EPHA6: variants seen among roughly 807,000 people sequenced by gnomAD.
The protein encoded by EPHA6 is EPH receptor A6.
In EPHA6, 50 loss-of-function variants were observed where a neutral mutation model predicts 112.0. The ratio of observed to expected loss-of-function variants is 0.45; its 90% CI spans 0.36 to 0.56. The LOEUF is 0.56. EPHA6 is among the 20% of genes least tolerant of loss of function. The probability of loss-of-function intolerance (pLI) is 0.00; values close to 1 mark genes in which losing one functional copy is unlikely to be tolerated. For missense variants in EPHA6, 1,280 were observed against 1,417.4 expected (o/e 0.90, Z 1.56); for synonymous variants, 529 against 490.7 (o/e 1.08, Z -1.03).
rs1274090274 is a variant in EPHA6 at position 96,855,109 on chromosome 3, A to G, written c.386-11716A>G. The stretch of plus-strand genomic sequence containing the variant: ...TTCCTCTCTCTTCAGAGCCAGCAAT[A>G]TTGCATTTCTGCCTTTCTTCTGGAG... On this transcript the variant is annotated intron_variant, in intron 1 of 17. Coordinates refer to ENST00000389672, the MANE Select transcript of EPHA6 (RefSeq NM_001080448.3). Among the ~76,000 whole-genome samples, 4 of 151,986 alleles carry G rather than the reference A, an allele frequency of 2.6e-5. No individual in the cohort carries two copies. In the East Asian group the frequency reaches 7.7e-4, roughly 29 times the overall value.
chr3:97,492,579 A>C (rs1192602718), intron 10 of EPHA6, among the ~76,000 whole-genome samples: 3 of 129,560 alleles, frequency 2.3e-5, no homozygotes, highest in South Asian at 2.3e-4. Context: ...AAAAAAAAAA[A>C]AAAAAAAAAA....
chr3:97,193,545 T>G (rs2077363021), intron 3 of EPHA6, among the ~76,000 whole-genome samples: 1 of 152,102 alleles, frequency 6.6e-6, no homozygotes, highest in African/African-American at 2.4e-5. Context: ...TGGTGAGTCC[T>G]TAAGTTTTTC....
At chr3:97,214,355 A>C (rs2077971126) in intron 3 of EPHA6, among the ~76,000 whole-genome samples, 1 of 152,028 alleles carries the variant, frequency 6.6e-6, no homozygotes, top group Non-Finnish European at 1.5e-5. Context: ...TATTCTTTAC[A>C]GTAGCCATCC....
intron 3 of EPHA6, among the ~76,000 whole-genome samples, chr3:97,201,393 C>T (rs2077573774): frequency 6.6e-6 from 1 of 152,000 alleles, no homozygotes; most frequent in Non-Finnish European, 1.5e-5. Flanking sequence ...TAGTTACAGT[C>T]AATATAGGAA....
intron 11 of EPHA6, among the ~76,000 whole-genome samples, chr3:97,547,625 ACTG>A (rs1383422389): frequency 6.6e-6 from 1 of 152,208 alleles, no homozygotes; most frequent in Non-Finnish European, 1.5e-5. Flanking sequence ...TGCAGAGGTT[ACTG>A]CTGTCTTTTT....
chr3:97,459,572 T>C (rs1251325449), intron 7 of EPHA6, among the ~76,000 whole-genome samples: 1 of 152,224 alleles, frequency 6.6e-6, no homozygotes, highest in Non-Finnish European at 1.5e-5. Flanking sequence ...TTTATTTTTC[T>C]TCCAGCTGTA....
chr3:97,265,044 A>C (rs1280366561), intron 5 of EPHA6, among the ~76,000 whole-genome samples: 3 of 152,142 alleles, frequency 2.0e-5, no homozygotes, highest in African/African-American at 7.2e-5. Flanking sequence ...TTGTTAAGCT[A>C]TCAGCAGAGA....
intron 11 of EPHA6, among the ~76,000 whole-genome samples, chr3:97,564,312 C>T (rs1177999206): frequency 6.6e-6 from 1 of 152,070 alleles, no homozygotes; most frequent in Non-Finnish European, 1.5e-5. Context: ...GGCTGGTAGA[C>T]CTTTTCATTG....
chr3:97,759,931 C>G lies in EPHA6; in HGVS notation c.*11230C>G. 1 of 196,498 alleles carries G rather than the reference C, an allele frequency of 5.1e-6. No individual in the cohort carries two copies. The highest frequency in any genetic ancestry group is 1.1e-5 in the Non-Finnish European group (1 of 94,476). 12.2% of individuals were successfully genotyped at this position (196,498 alleles called of 1,614,324 possible). ...CCAAGGACTCTGGTAAGAGTCCTTT[C>G]CATAATGTAGAGATTGAGAACTTCT... is the stretch of plus-strand genomic sequence containing the variant. On this transcript the variant is annotated 3_prime_UTR_variant, in exon 18 of 18. Coordinates refer to ENST00000389672, the MANE Select transcript of EPHA6 (RefSeq NM_001080448.3).
At chr3:97,489,622 C>T (rs2091786657) in intron 10 of EPHA6, among the ~76,000 whole-genome samples, 2 of 150,108 alleles carry the variant, frequency 1.3e-5, no homozygotes, top group African/African-American at 4.9e-5. Context: ...GGAGGCAGAG[C>T]TTGCAGTGAG....
chr3:96,969,806 T>C (rs2042249394), intron 2 of EPHA6, among the ~76,000 whole-genome samples: 1 of 152,032 alleles, frequency 6.6e-6, no homozygotes, highest in Non-Finnish European at 1.5e-5. Context: ...TTAGTGGATC[T>C]TTCAGCATCA....
At chr3:97,502,164 C>T (rs1287815264) in intron 10 of EPHA6, among the ~76,000 whole-genome samples, 2 of 147,000 alleles carry the variant, frequency 1.4e-5, no homozygotes, top group Non-Finnish European at 3.0e-5. Context: ...CAGTAACTAC[C>T]TGCTTTTTTT....
chr3:97,517,931 T>C (rs558745014), intron 10 of EPHA6, among the ~76,000 whole-genome samples: 3 of 152,178 alleles, frequency 2.0e-5, no homozygotes, highest in Non-Finnish European at 4.4e-5. Context: ...ATTTCCTTTT[T>C]CTTAAGGAGA....
intron 14 of EPHA6, among the ~76,000 whole-genome samples, chr3:97,675,681 A>G (rs2031306434): frequency 6.6e-6 from 1 of 152,194 alleles, no homozygotes; most frequent in African/African-American, 2.4e-5. Context: ...ATATTTATAT[A>G]TCTTATAAGA....
intron 3 of EPHA6, among the ~76,000 whole-genome samples, chr3:97,000,109 A>G (rs1303015195): frequency 1.3e-5 from 2 of 151,822 alleles, no homozygotes; most frequent in African/African-American, 4.8e-5. Context: ...CATATTAAAA[A>G]GTTATACCAA....
rs1463949600 is a variant in EPHA6, at chr3:97,759,449, G to GT, written c.*10754dup. On this transcript the variant is annotated 3_prime_UTR_variant, in exon 18 of 18. Transcript: ENST00000389672. ...AGAAAGGAAGTCAAGGAATTGTCTT[G>GT]TTTTTTAAGGATGCTACAGCATATT... 1.3e-5 allele frequency: 3 copies of GT among 228,228 alleles called. No individual in the cohort carries two copies. Among genetic ancestry groups the GT allele is most frequent in the Admixed American group, 1.1e-4 (2 of 17,608 alleles). The allele number at this position is 228,228 out of a possible 1,614,324, so 14.1% of individuals were successfully genotyped here. A position where few individuals can be genotyped will look rare whatever the true frequency, so the allele number is the denominator to read the frequency against.
At chr3:97,534,402 T>A (rs2107654229) in intron 11 of EPHA6, among the ~76,000 whole-genome samples, 1 of 151,752 alleles carries the variant, frequency 6.6e-6, no homozygotes, top group East Asian at 1.9e-4. Flanking sequence ...TAACCTACAG[T>A]ATGTGGCATG....
At chr3:97,067,504 G>A (rs769761869) in intron 3 of EPHA6, among the ~76,000 whole-genome samples, 4 of 151,260 alleles carry the variant, frequency 2.6e-5, no homozygotes, top group Non-Finnish European at 4.4e-5. Context: ...AGGCTATTAT[G>A]GAAGAAATGA....
intron 14 of EPHA6, among the ~76,000 whole-genome samples, chr3:97,702,817 T>A (rs1034072557): frequency 6.6e-6 from 1 of 152,176 alleles, no homozygotes; most frequent in Non-Finnish European, 1.5e-5. Flanking sequence ...CAGAATGAAC[T>A]ATTAAAATGT....
Sources: allele counts gnomAD v4.1 joint callset (sites outside exome capture counted in the v4.1 genomes callset), GRCh38; gene constraint gnomAD v4.1.1; transcripts MANE v1.5; gene names NCBI Gene and HGNC (gene_info 2026-07-23, HGNC 2026-07-21).